The following SGCD variants were observed in gnomAD, a reference collection of about 807,000 sequenced individuals.
SGCD encodes delta-sarcoglycan.
A neutral mutation model predicts 36.6 loss-of-function variants in SGCD; 18 were observed. That is an observed-to-expected ratio of 0.49 (90% CI 0.34 to 0.73). The LOEUF (loss-of-function observed/expected upper bound fraction) is 0.73, where lower values mean the gene tolerates loss of function less well. Among genes scored for constraint, SGCD ranks in the 30% least tolerant of loss-of-function variants. SGCD has a pLI of 0.01. For missense variants in SGCD, 387 were observed against 346.7 expected (o/e 1.12, Z -0.92); for synonymous variants, 133 against 130.6 (o/e 1.02, Z -0.12).
At chr5:156,246,890 C>T (rs905948135) in intron 3 of SGCD, among the ~76,000 whole-genome samples, 24 of 152,170 alleles carry the variant, frequency 1.6e-4, no homozygotes, top group African/African-American at 5.8e-4. Context: ...CACTTTAGGC[C>T]TAAAACATGT....
At chr5:155,824,157 A>C in the SGCD span, among the ~76,000 whole-genome samples, 1,608 of 152,312 alleles carry the variant, frequency 0.011, 89 homozygotes, top group Admixed American at 0.091. Flanking sequence ...ATGGTTCTGT[A>C]AAAAGAATAA....
At chr5:156,557,015 GC>G (rs1425814921) in intron 4 of SGCD, among the ~76,000 whole-genome samples, 1 of 152,140 alleles carries the variant, frequency 6.6e-6, no homozygotes, top group Non-Finnish European at 1.5e-5. Context: ...AATATCTTGT[GC>G]TTTCTCTAGT....
At chr5:156,115,015 A>G (rs926194136) in intron 1 of SGCD, among the ~76,000 whole-genome samples, 1 of 152,130 alleles carries the variant, frequency 6.6e-6, no homozygotes, top group Non-Finnish European at 1.5e-5. Flanking sequence ...GAGGAAAATT[A>G]TATGGTGAAT....
At chr5:156,397,031 T>C (rs1370933731) in intron 3 of SGCD, among the ~76,000 whole-genome samples, 1 of 152,160 alleles carries the variant, frequency 6.6e-6, no homozygotes, top group Non-Finnish European at 1.5e-5. Flanking sequence ...TTAAGGTCTA[T>C]TTCTAGGAGG....
At chr5:156,553,106 G>T (rs1379405107) in intron 4 of SGCD, among the ~76,000 whole-genome samples, 1 of 152,188 alleles carries the variant, frequency 6.6e-6, no homozygotes, top group Non-Finnish European at 1.5e-5. Flanking sequence ...AGCAAGAGAG[G>T]TGGAGAGATT....
the SGCD span, among the ~76,000 whole-genome samples, chr5:155,786,800 A>T: frequency 1.3e-5 from 2 of 152,234 alleles, no homozygotes; most frequent in Non-Finnish European, 2.9e-5. Flanking sequence ...AATAGTCATC[A>T]TCAGTAGCAT....
At chr5:155,756,027 G>A in the SGCD span, among the ~76,000 whole-genome samples, 4 of 152,314 alleles carry the variant, frequency 2.6e-5, no homozygotes, top group East Asian at 5.8e-4. Flanking sequence ...TACAAAGTGT[G>A]TATGTAATGG....
At chr5:156,160,822 T>C (rs774670844) in intron 3 of SGCD, among the ~76,000 whole-genome samples, 1 of 151,750 alleles carries the variant, frequency 6.6e-6, no homozygotes, top group Non-Finnish European at 1.5e-5. Flanking sequence ...TTGTTTGTCC[T>C]ATTCTTGCCT....
At chr5:156,339,390 C>A (rs530686931) in intron 2 of SGCD, among the ~76,000 whole-genome samples, 2 of 152,076 alleles carry the variant, frequency 1.3e-5, no homozygotes, top group African/African-American at 4.8e-5. Flanking sequence ...ATTGTATGTG[C>A]CTTTGGAAAA....
chr5:156,097,829 C>A (rs1171812397), intron 1 of SGCD, among the ~76,000 whole-genome samples: 1 of 152,126 alleles, frequency 6.6e-6, no homozygotes, highest in Non-Finnish European at 1.5e-5. Context: ...TACTCTGGGT[C>A]CTGTTTAAAT....
intron 1 of SGCD, among the ~76,000 whole-genome samples, chr5:155,947,127 T>C (rs559095863): frequency 6.6e-6 from 1 of 152,172 alleles, no homozygotes; most frequent in Non-Finnish European, 1.5e-5. Context: ...CAAGGAAAGA[T>C]AGATGGGCAA....
chr5:156,762,934 T>A lies in SGCD; in HGVS notation c.*3544T>A, dbSNP rs1209940468. On this transcript the variant is annotated 3_prime_UTR_variant, in exon 9 of 9. Coordinates refer to ENST00000337851, the MANE Select transcript of SGCD (RefSeq NM_000337.6). ...TTGGGAATATAGTTACTTGGCAAAG[T>A]CTTTCAGGAAGGAAGCCCTTCCTTA... 2 of 152,168 alleles carry A rather than the reference T, an allele frequency of 1.3e-5. No individual in the cohort carries two copies. The highest frequency in any genetic ancestry group is 3.9e-4 in the East Asian group (2 of 5,192). The allele number at this position is 152,168 out of a possible 1,614,324, so 9.4% of individuals were successfully genotyped here.
chr5:155,818,643 C>G, the SGCD span, among the ~76,000 whole-genome samples: 1 of 152,174 alleles, frequency 6.6e-6, no homozygotes, highest in Non-Finnish European at 1.5e-5. Flanking sequence ...ACCTGAGCCT[C>G]CTGAGCAGCT....
At chr5:156,302,180 G>A (rs930518921) in intron 3 of SGCD, among the ~76,000 whole-genome samples, 4 of 151,860 alleles carry the variant, frequency 2.6e-5, no homozygotes, top group Admixed American at 2.6e-4. Context: ...GTATCTTGTA[G>A]GTATGCTTCA....
intron 2 of SGCD, among the ~76,000 whole-genome samples, chr5:156,338,964 T>C (rs1768502693): frequency 6.9e-6 from 1 of 145,580 alleles, no homozygotes; most frequent in Non-Finnish European, 1.5e-5. Flanking sequence ...TTGACTCTAA[T>C]GCTATGCAAT....
chr5:155,932,159 C>G (rs1359371655), intron 1 of SGCD, among the ~76,000 whole-genome samples: 1 of 152,200 alleles, frequency 6.6e-6, no homozygotes, highest in Non-Finnish European at 1.5e-5. Context: ...AAGTCACTTC[C>G]TCTCCAAGTT....
intron 1 of SGCD, among the ~76,000 whole-genome samples, chr5:155,970,133 T>C (rs753323322): frequency 3.9e-5 from 6 of 152,040 alleles, no homozygotes; most frequent in Non-Finnish European, 7.4e-5. Flanking sequence ...TCTAGAGGGA[T>C]TGGGTGTGAG....
chr5:156,080,041 C>G (rs931498995), intron 1 of SGCD, among the ~76,000 whole-genome samples: 3 of 152,254 alleles, frequency 2.0e-5, no homozygotes, highest in Non-Finnish European at 2.9e-5. Context: ...GAAATCTAGG[C>G]AGAGGCTGCC....
chr5:156,731,893 G>C (rs1187415107), intron 7 of SGCD, among the ~76,000 whole-genome samples: 1 of 151,968 alleles, frequency 6.6e-6, no homozygotes, highest in Non-Finnish European at 1.5e-5. Flanking sequence ...TGTATTCCTG[G>C]GTATTTTATT....
Sources: gnomAD v4.1 joint callset for allele counts (sites outside exome capture counted in the v4.1 genomes callset) on GRCh38, gnomAD v4.1.1 for gene constraint, MANE v1.5 for transcripts, NCBI Gene and HGNC (gene_info 2026-07-23, HGNC 2026-07-21) for gene names.